Variants in THAP4 observed in about 807,000 individuals in gnomAD.
The protein encoded by THAP4 is peroxynitrite isomerase THAP4.
In THAP4, 18 loss-of-function variants were observed where a neutral mutation model predicts 48.1. That is an observed-to-expected ratio of 0.37 (90% CI 0.26 to 0.56). THAP4 has a LOEUF of 0.56. Ranked by LOEUF, THAP4 falls within the 20% of genes least tolerant of loss-of-function variation. The pLI, the probability that THAP4 is intolerant of heterozygous loss-of-function variation, is 0.78. For missense variants in THAP4, 656 were observed against 774.9 expected, an observed-to-expected ratio of 0.85 and a Z score of 1.82; for synonymous variants, 345 against 324.9, an observed-to-expected ratio of 1.06 and a Z score of -0.66.
At chr2:241,614,889 CAAAACAAAAACA>C (rs201967097) in intron 2 of THAP4, among the ~76,000 whole-genome samples, 49,206 of 151,342 alleles carry the variant, frequency 0.33, 8,340 homozygotes, top group South Asian at 0.45. Flanking sequence ...AACTCCATCT[CAAAACAAAAACA>C]AAAACAAAAA....
chr2:241,637,378 G>C, upstream of THAP4: 4 of 1,393,932 alleles, frequency 2.9e-6, no homozygotes, highest in Non-Finnish European at 3.8e-6. Flanking sequence ...ATGGCTGCTC[G>C]GACGGGGACA....
chr2:241,597,850 T>G (rs2067067783), intron 5 of THAP4, among the ~76,000 whole-genome samples: 1 of 152,136 alleles, frequency 6.6e-6, no homozygotes, highest in Non-Finnish European at 1.5e-5. Context: ...AGCCTTCCCC[T>G]AAGCGCCATG....
At chr2:241,632,776 A>C (rs557962664) in intron 2 of THAP4, 141 bp downstream of exon 2, 6 of 639,966 alleles carry the variant, frequency 9.4e-6, no homozygotes, top group Non-Finnish European at 1.6e-5. Context: ...TCCACAAGGT[A>C]TGGTTACGAC....
intron 2 of THAP4, among the ~76,000 whole-genome samples, chr2:241,625,763 A>T (rs1439199556): frequency 7.8e-5 from 10 of 127,948 alleles, no homozygotes; most frequent in African/African-American, 3.0e-4. Context: ...GTGCCACTGC[A>T]CTCCAGCCTG....
intron 3 of THAP4, among the ~76,000 whole-genome samples, chr2:241,604,366 T>G (rs2067153875): frequency 6.6e-6 from 1 of 152,136 alleles, no homozygotes; most frequent in South Asian, 2.1e-4. Context: ...TTCTCCTGCC[T>G]CAGCCTTACC....
intron 5 of THAP4, among the ~76,000 whole-genome samples, chr2:241,590,176 C>T (rs71430342): frequency 7.0e-4 from 49 of 69,922 alleles, no homozygotes; most frequent in Admixed American, 1.5e-3. Context: ...ACTCAGCTGC[C>T]CGGCTGATGA....
intron 5 of THAP4, among the ~76,000 whole-genome samples, chr2:241,592,873 G>C (rs994942819): frequency 2.0e-5 from 3 of 152,200 alleles, no homozygotes; most frequent in Non-Finnish European, 2.9e-5. Context: ...CGGGACGTCT[G>C]TACGGGGAAA....
At chr2:241,611,494 G>C (rs538783496) in intron 2 of THAP4, among the ~76,000 whole-genome samples, 1 of 152,100 alleles carries the variant, frequency 6.6e-6, no homozygotes, top group Non-Finnish European at 1.5e-5. Context: ...AGGCCAAGGC[G>C]GGTGGATCAT....
At chr2:241,628,126 C>A (rs773851126) in intron 2 of THAP4, among the ~76,000 whole-genome samples, 2 of 152,066 alleles carry the variant, frequency 1.3e-5, no homozygotes, top group Non-Finnish European at 2.9e-5. Context: ...TCCTGGGGCA[C>A]ATCCAGCCCC....
chr2:241,605,444 A>C (rs1245044435), intron 3 of THAP4, among the ~76,000 whole-genome samples: 1 of 152,228 alleles, frequency 6.6e-6, no homozygotes, highest in Non-Finnish European at 1.5e-5. Flanking sequence ...ATAATTAAAA[A>C]ATAAAGATAC....
At chr2:241,623,546 T>G (rs2067460327) in intron 2 of THAP4, among the ~76,000 whole-genome samples, 2 of 151,266 alleles carry the variant, frequency 1.3e-5, no homozygotes, top group Admixed American at 1.3e-4. Context: ...ACCAGTGCCC[T>G]TCAGCCTGGG....
chr2:241,597,236 C>T (rs553121322), intron 5 of THAP4, among the ~76,000 whole-genome samples: 2 of 152,270 alleles, frequency 1.3e-5, no homozygotes, highest in East Asian at 1.9e-4. Flanking sequence ...CAGTTTCAAG[C>T]GATTCTCCTG....
At chr2:241,629,690 G>A (rs1166450260) in intron 2 of THAP4, among the ~76,000 whole-genome samples, 3 of 151,624 alleles carry the variant, frequency 2.0e-5, no homozygotes, top group East Asian at 1.9e-4. Context: ...AGGAAATGAA[G>A]AAATAAGACG....
chr2:241,615,077 T>C (rs1403565708), intron 2 of THAP4, among the ~76,000 whole-genome samples: 2 of 152,136 alleles, frequency 1.3e-5, no homozygotes, highest in African/African-American at 4.8e-5. Flanking sequence ...CAGGTGTCCC[T>C]TGAAAACACT....
chr2:241,584,763 T>C (rs1179385568), intron 5 of THAP4, 38 bp from the exon 6 acceptor site: 2 of 1,613,720 alleles, frequency 1.2e-6, no homozygotes, highest in African/African-American at 2.7e-5. Flanking sequence ...CTTAGTTTTA[T>C]CTTCAAAAGA....
At chr2:241,598,474 G>A (rs2067075521) in intron 5 of THAP4, among the ~76,000 whole-genome samples, 1 of 152,170 alleles carries the variant, frequency 6.6e-6, no homozygotes, top group Non-Finnish European at 1.5e-5. Context: ...TATTACAGCA[G>A]TCCCCAAACT....
At chr2:241,635,043 T>G (rs1368204028) in intron 1 of THAP4, among the ~76,000 whole-genome samples, 1 of 152,168 alleles carries the variant, frequency 6.6e-6, no homozygotes, top group Non-Finnish European at 1.5e-5. Context: ...CTTTACAAAA[T>G]AAAAATAATT....
In THAP4 at chr2:241,584,552, G is replaced by A. The variant is rs1301518054; in HGVS notation, c.*54C>T. 14 of 1,607,980 alleles carry A rather than the reference G, an allele frequency of 8.7e-6. No individual in the cohort carries two copies. Among genetic ancestry groups the A allele is most frequent in the Admixed American group, 5.0e-5 (3 of 59,808 alleles). On this transcript the variant is annotated 3_prime_UTR_variant, in exon 6 of 6. Coordinates refer to ENST00000407315, the MANE Select transcript of THAP4 (RefSeq NM_015963.6). ...CGCAGGGACTGTCTGTTGAGGAGCC[G>A]AACCGTTGAGGCACAGTAGCCAGGC...
chr2:241,584,518 C>T lies in THAP4; in HGVS notation c.*88G>A. On this transcript the variant is annotated 3_prime_UTR_variant, in exon 6 of 6. Transcript: ENST00000407315. ...GCCTGCAGAGGCTCACGGCCACACC[C>T]ACTTCTGCCGCAGGGACTGTCTGTT... is the stretch of plus-strand genomic sequence containing the variant. 6.8e-7 allele frequency: 1 copy of T among 1,461,494 alleles called. No individual in the cohort carries two copies. The highest frequency in any genetic ancestry group is 1.2e-5 in the South Asian group (1 of 85,176). 90.5% of individuals were successfully genotyped at this position (1,461,494 alleles called of 1,614,324 possible).
Sources: allele counts gnomAD v4.1 joint callset (sites outside exome capture counted in the v4.1 genomes callset), GRCh38; gene constraint gnomAD v4.1.1; transcripts MANE v1.5; gene names NCBI Gene and HGNC (gene_info 2026-07-23, HGNC 2026-07-21).